Variants in APEX2 observed in about 807,000 individuals in gnomAD.
APEX2 encodes the protein apurinic/apyrimidinic endodeoxyribonuclease 2.
APEX2 carries 4 observed loss-of-function variants against 16.7 expected under a neutral mutation model. The ratio of observed to expected loss-of-function variants is 0.24; its 90% confidence interval spans 0.12 to 0.55. The LOEUF is 0.55. APEX2 is among the 20% of genes least tolerant of loss of function. The probability of loss-of-function intolerance (pLI) is 0.94; values close to 1 mark genes in which losing one functional copy is unlikely to be tolerated. For missense variants in APEX2, 357 were observed against 433.6 expected (o/e 0.82, Z 1.57); for synonymous variants, 181 against 166.9 (o/e 1.08, Z -0.65).
Position 55,007,617 on chromosome X carries a change from C to T in APEX2, c.*182C>T. On this transcript the variant is annotated 3_prime_UTR_variant, in exon 6 of 6. Coordinates refer to ENST00000374987, the MANE Select transcript of APEX2 (RefSeq NM_014481.4). Reference sequence around the variant, plus strand: ...CTCCTTGTTGGTGAGCTTCTTGTGCCTTAATCCTGTGACCCAGCCCCTTAC... The same window carrying T: ...CTCCTTGTTGGTGAGCTTCTTGTGCTTTAATCCTGTGACCCAGCCCCTTAC... 1 of 486,505 alleles carries T rather than the reference C, an allele frequency of 2.1e-6. No individual in the cohort carries two copies. Among genetic ancestry groups the T allele is most frequent in the Non-Finnish European group, 3.2e-6 (1 of 315,821 alleles). The allele number at this position is 486,505 out of a possible 1,213,427, so 40.1% of individuals were successfully genotyped here. A position where few individuals can be genotyped will look rare whatever the true frequency, so the allele number is the denominator to read the frequency against.
At chrX:55,002,107 C>T (rs1935451677) in intron 2 of APEX2, 144 bp from the exon 3 acceptor site, 2 of 544,876 alleles carry the variant, frequency 3.7e-6, no homozygotes, top group South Asian at 8.5e-5. Flanking sequence ...GGAACTGAGA[C>T]TCCAGGGTTT....
Position 55,002,246 on chromosome X carries a change from C to A in APEX2, c.242-5C>A, listed in dbSNP as rs1415639383. On this transcript the variant is annotated splice_polypyrimidine_tract_variant and splice_region_variant and intron_variant, in intron 2 of 5. Coordinates refer to ENST00000374987, the MANE Select transcript of APEX2 (RefSeq NM_014481.4). ...GTCTGCTCAGAGTGCCCTGTCTGTT[C>A]CCAGGTGTAGCCACCTTCTGTAAGG... 5.1e-6 allele frequency: 6 copies of A among 1,185,618 alleles called. No homozygotes were observed. Among genetic ancestry groups the A allele is most frequent in the African/African-American group, 3.5e-5 (2 of 56,622 alleles).
intron 5 of APEX2, among the ~76,000 whole-genome samples, chrX:55,004,314 G>A (rs1201863824): frequency 8.9e-6 from 1 of 112,672 alleles, no homozygotes; most frequent in African/African-American, 3.2e-5. Flanking sequence ...GAAGTAGAAA[G>A]CATTCTAGCA....
intron 5 of APEX2, 131 bp downstream of exon 5, chrX:55,003,999 T>TAAGA: frequency 7.1e-6 from 4 of 562,643 alleles, no homozygotes; most frequent in South Asian, 2.8e-5. Context: ...ATACTATTCT[T>TAAGA]ATAGTACTGA....
chrX:55,001,146 C>T (rs1935436251), intron 1 of APEX2, among the ~76,000 whole-genome samples: 1 of 108,877 alleles, frequency 9.2e-6, no homozygotes, highest in Non-Finnish European at 1.9e-5. Context: ...CCTTTTCCCT[C>T]CACCCCCAGT....
In APEX2 at chrX:55,007,233, G is replaced by A. The variant is rs761429037; in HGVS notation, c.1355G>A (p.Arg452Gln). The stretch of plus-strand genomic sequence containing the variant: ...GAAGCCAAAGATGAGAAGGAGTTAC[G>A]GACCTCATTCTGGAAGTCTGTGCTG... ...TSEAKDEKEL[R>Q]TSFWKSVLAG... Residue 452 changes from arginine (R) to glutamine (Q), a missense_variant, in exon 6 of 6, where the codon CGG (arginine) becomes CAG (glutamine). Transcript: ENST00000374987. The A allele has an allele frequency of 2.6e-5, 31 of 1,210,746 alleles. 1 individual carries two copies. The South Asian group carries it at 4.7e-4, about 19-fold the overall frequency.
chrX:55,001,713 T>TCTTTCC, intron 2 of APEX2, 84 bp downstream of exon 2: 1 of 747,147 alleles, frequency 1.3e-6, no homozygotes, highest in Non-Finnish European at 1.9e-6. Context: ...GAGAGGGTAA[T>TCTTTCC]AAGAAATCTT....
Position 55,003,237 on chromosome X carries a change from A to G in APEX2, c.569+129A>G, listed in dbSNP as rs183135107. The G allele has an allele frequency of 6.1e-5, 49 of 804,038 alleles. No individual in the cohort carries two copies. The African/African-American group carries it at 8.6e-4, about 14-fold the overall frequency. The allele number at this position is 804,038 out of a possible 1,213,427, so 66.3% of individuals were successfully genotyped here. A position where few individuals can be genotyped will look rare whatever the true frequency, so the allele number is the denominator to read the frequency against. On this transcript the variant is annotated intron_variant, in intron 4 of 5. Transcript: ENST00000374987. ...TTTCACAGCATAGTTGCAAACACCA[A>G]TATGCCCACCTGAATAGGCTCTGCT...
chrX:55,005,493 A>G (rs1048512073), intron 5 of APEX2, among the ~76,000 whole-genome samples: 3 of 111,770 alleles, frequency 2.7e-5, no homozygotes, highest in African/African-American at 9.8e-5. Context: ...CATCCCCTTG[A>G]TTGCTTCAAC....
Position 55,007,047 on chromosome X carries a change from A to T in APEX2, c.1169A>T (p.Gln390Leu). 1 of 1,211,678 alleles carries T rather than the reference A, an allele frequency of 8.3e-7. No individual in the cohort carries two copies. The highest frequency in any genetic ancestry group is 1.1e-6 in the Non-Finnish European group (1 of 895,414). ...AGTCAGGTTGGCTCTAGCAGAGGCCAGAAAAACCTGAAGAGCTACTTTCAG... is the reference window on the plus strand; with the variant it reads ...AGTCAGGTTGGCTCTAGCAGAGGCCTGAAAAACCTGAAGAGCTACTTTCAG... ...QPSQVGSSRG[Q>L]KNLKSYFQPS... is the part of the protein sequence containing the mutation. The change falls in exon 6 of 6, where the codon CAG becomes CTG. Residue 390 changes from glutamine to leucine, a missense_variant. Gln to Leu is a moderately radical substitution (Grantham distance 113). Coordinates refer to ENST00000374987, the MANE Select transcript of APEX2 (RefSeq NM_014481.4).
rs1286538797 is a variant in APEX2, at chrX:55,008,667, T to C, written c.*1232T>C. On this transcript the variant is annotated 3_prime_UTR_variant, in exon 6 of 6. Transcript: ENST00000374987. ...AGAGGATAATGGATTGAGGAAGACA[T>C]CCATATCCCCTTATGGAAAATACCT... 8.8e-6 allele frequency: 1 copy of C among 113,943 alleles called. No individual in the cohort carries two copies. The highest frequency in any genetic ancestry group is 1.8e-5 in the Non-Finnish European group (1 of 54,913). 9.4% of individuals were successfully genotyped at this position (113,943 alleles called of 1,213,427 possible). A position where few individuals can be genotyped will look rare whatever the true frequency, so the allele number is the denominator to read the frequency against.
Position 55,009,049 on chromosome X carries a change from T to C in APEX2, c.*1614T>C, listed in dbSNP as rs1935548111. 1 of 875,741 alleles carries C rather than the reference T, an allele frequency of 1.1e-6. No homozygotes were observed. Among genetic ancestry groups the C allele is most frequent in the East Asian group, 3.4e-5 (1 of 29,199 alleles). The allele number at this position is 875,741 out of a possible 1,213,427, so 72.2% of individuals were successfully genotyped here. A position where few individuals can be genotyped will look rare whatever the true frequency, so the allele number is the denominator to read the frequency against. On this transcript the variant is annotated 3_prime_UTR_variant, in exon 6 of 6. Coordinates refer to ENST00000374987, the MANE Select transcript of APEX2 (RefSeq NM_014481.4). The stretch of plus-strand genomic sequence containing the variant: ...GTCTGTTCCCTGTCCAATAAAAGGC[T>C]TCACATGCTGTGGTTTGTGCTTTAT...
chrX:55,005,954 G>A (rs990768156), intron 5 of APEX2, among the ~76,000 whole-genome samples: 1 of 109,810 alleles, frequency 9.1e-6, no homozygotes, highest in South Asian at 4.0e-4. Flanking sequence ...TTCTTGCATT[G>A]AATGAGTGGG....
Position 55,003,002 on chromosome X carries a change from G to A in APEX2, c.463G>A (p.Val155Met), listed in dbSNP as rs766645591. The change falls in exon 4 of 6, where the codon GTG becomes ATG. Residue 155 changes from valine (V) to methionine (M), a missense_variant. Physicochemically the swap from Val to Met is conservative, Grantham distance 21 (BLOSUM62 1). Coordinates refer to ENST00000374987, the MANE Select transcript of APEX2 (RefSeq NM_014481.4). ...GGAGAAGACCTTGACCCTAATCAACGTGTACTGCCCCCATGCGGACCCTGG... is the reference window on the plus strand; with the variant it reads ...GGAGAAGACCTTGACCCTAATCAACATGTACTGCCCCCATGCGGACCCTGG... ...GKEKTLTLIN[V>M]YCPHADPGRP... 5.8e-6 allele frequency: 7 copies of A among 1,211,186 alleles called. No homozygotes were observed. Among genetic ancestry groups the A allele is most frequent in the Non-Finnish European group, 7.8e-6 (7 of 895,167 alleles).
At chrX:55,002,473 T>G (rs1935457299) in intron 3 of APEX2, 42 bp downstream of exon 3, 2 of 1,127,554 alleles carry the variant, frequency 1.8e-6, no homozygotes, top group Non-Finnish European at 2.4e-6. Context: ...CTGCTGGTGC[T>G]ACTCTTTGAG....
chrX:55,006,470 A>T lies in APEX2; in HGVS notation c.640-48A>T, dbSNP rs183348151. The T allele has an allele frequency of 5.9e-6, 6 of 1,015,593 alleles. No homozygotes were observed. The East Asian group carries it at 2.0e-4, about 35-fold the overall frequency. 83.7% of individuals were successfully genotyped at this position (1,015,593 alleles called of 1,213,427 possible). ...GTCTAAGTCCCTTCCAGTTCTAGGT[A>T]TCTAGTTCTGTCTCTCTCTCTTCCA... On this transcript the variant is annotated intron_variant, in intron 5 of 5. Transcript: ENST00000374987.
chrX:55,002,073 C>A (rs892553333), intron 2 of APEX2, among the ~76,000 whole-genome samples, 178 bp from the exon 3 acceptor site: 4 of 112,598 alleles, frequency 3.6e-5, no homozygotes, highest in African/African-American at 1.3e-4. Flanking sequence ...ACACTTAGAA[C>A]ATTCTGTGGC....
Position 55,003,020 on chromosome X carries a change from G to A in APEX2, c.481G>A (p.Asp161Asn). 1 of 1,211,557 alleles carries A rather than the reference G, an allele frequency of 8.3e-7. No individual in the cohort carries two copies. The highest frequency in any genetic ancestry group is 1.1e-6 in the Non-Finnish European group (1 of 895,331). ...TLINVYCPHA[D>N]PGRPERLVFK... Reference sequence around the variant, plus strand: ...AATCAACGTGTACTGCCCCCATGCGGACCCTGGGAGGCCTGAGCGGCTAGT... The same window carrying A: ...AATCAACGTGTACTGCCCCCATGCGAACCCTGGGAGGCCTGAGCGGCTAGT... Residue 161 changes from aspartate to asparagine, a missense_variant, in exon 4 of 6, where the codon GAC becomes AAC. Coordinates refer to ENST00000374987, the MANE Select transcript of APEX2 (RefSeq NM_014481.4).
At chrX:55,005,397 T>TA (rs1355561102) in intron 5 of APEX2, among the ~76,000 whole-genome samples, 1 of 112,080 alleles carries the variant, frequency 8.9e-6, no homozygotes, top group East Asian at 2.8e-4. Context: ...TCAGATGACT[T>TA]ACACAGTCTT....
Sources: gnomAD v4.1 joint callset for allele counts (sites outside exome capture counted in the v4.1 genomes callset) on GRCh38, gnomAD v4.1.1 for gene constraint, MANE v1.5 for transcripts, NCBI Gene and HGNC (gene_info 2026-07-23, HGNC 2026-07-21) for gene names.